Variants in MEMO1 observed in about 807,000 individuals in gnomAD.
MEMO1 encodes mediator of cell motility 1.
In MEMO1, 6 loss-of-function variants were observed where a neutral mutation model predicts 45.2. The ratio of observed to expected loss-of-function variants is 0.13; its 90% confidence interval spans 0.07 to 0.26. The LOEUF is 0.26. Among genes scored for constraint, MEMO1 ranks in the 10% least tolerant of loss-of-function variants. MEMO1 has a pLI of 1.00. For synonymous variants in MEMO1, 78 were observed against 124.3 expected (o/e 0.63, Z 2.48); for missense variants, 184 against 370.5 (o/e 0.50, Z 4.13).
intron 4 of MEMO1, chr2:31,923,539 C>A (rs1682644577): frequency 7.9e-7 from 1 of 1,269,630 alleles, no homozygotes; most frequent in Non-Finnish European, 1.0e-6. Flanking sequence ...ACATAAATAA[C>A]ATGACACTTT....
chr2:32,000,566 A>T (rs997266582), intron 2 of MEMO1, among the ~76,000 whole-genome samples: 2 of 141,766 alleles, frequency 1.4e-5, no homozygotes, highest in Admixed American at 7.0e-5. Flanking sequence ...GGGTTTCATC[A>T]TGTTGGCCAG....
At chr2:31,887,078 A>G (rs1391961966) in intron 7 of MEMO1, among the ~76,000 whole-genome samples, 1 of 152,216 alleles carries the variant, frequency 6.6e-6, no homozygotes, top group African/African-American at 2.4e-5. Context: ...TCCATTCCAG[A>G]GCACGCTTTC....
At chr2:31,967,376 A>G (rs1227842601) in intron 2 of MEMO1, among the ~76,000 whole-genome samples, 2 of 152,126 alleles carry the variant, frequency 1.3e-5, no homozygotes, top group Non-Finnish European at 2.9e-5. Context: ...CGCCTGCCTC[A>G]GCCTCCCAAA....
chr2:31,963,117 C>T, intron 2 of MEMO1: 1 of 1,476,344 alleles, frequency 6.8e-7, no homozygotes, highest in South Asian at 1.4e-5. Flanking sequence ...CAGTCTCTAA[C>T]TACACCATTA....
intron 8 of MEMO1, among the ~76,000 whole-genome samples, chr2:31,879,787 T>G (rs1675082735): frequency 6.6e-6 from 1 of 152,206 alleles, no homozygotes; most frequent in Non-Finnish European, 1.5e-5. Context: ...CTTCAAATAC[T>G]CAATAAATAC....
rs1402900099 is a variant in MEMO1 at position 31,879,332 on chromosome 2, CTGGCTCTGCT to C, written c.657+4044_657+4053del. ...TCAGTTCTCTCTAAGCAGAACTCTA[CTGGCTCTGCT>C]TTATCTCCTCTTCCACTTAATGCTG... On this transcript the variant is annotated intron_variant, in intron 8 of 9. Transcript: ENST00000404530. Among the ~76,000 whole-genome samples the C allele has an allele frequency of 7.2e-5, 11 of 152,286 alleles. No homozygotes were observed. The South Asian group carries it at 1.4e-3, about 20-fold the overall frequency.
intron 2 of MEMO1, among the ~76,000 whole-genome samples, chr2:31,969,851 C>G (rs968406001): frequency 6.6e-6 from 1 of 151,920 alleles, no homozygotes; most frequent in African/African-American, 2.4e-5. Context: ...CCACCTTGGC[C>G]CCCCAAAATG....
intron 6 of MEMO1, among the ~76,000 whole-genome samples, chr2:31,892,626 A>C (rs1677143484): frequency 6.6e-6 from 1 of 152,192 alleles, no homozygotes; most frequent in Non-Finnish European, 1.5e-5. Context: ...CTAAAAACTT[A>C]ATCTTGGCTC....
At chr2:31,901,985 A>G (rs954229451) in intron 6 of MEMO1, among the ~76,000 whole-genome samples, 11 of 151,872 alleles carry the variant, frequency 7.2e-5, no homozygotes, top group Non-Finnish European at 1.5e-4. Flanking sequence ...AAAAACATTG[A>G]GTTGAGACCT....
intron 4 of MEMO1, among the ~76,000 whole-genome samples, chr2:31,928,558 A>G (rs1004230239): frequency 1.3e-4 from 20 of 151,768 alleles, no homozygotes; most frequent in Admixed American, 1.2e-3. Context: ...AAAAAAAAAA[A>G]AAAAAGAAGA....
intron 2 of MEMO1, among the ~76,000 whole-genome samples, chr2:32,002,186 T>TATATATAC (rs753352927): frequency 2.3e-4 from 27 of 116,056 alleles, no homozygotes; most frequent in African/African-American, 8.8e-4. Context: ...TATATATATA[T>TATATATAC]ACACACACAC....
At chr2:31,966,375 G>C (rs572415128) in intron 2 of MEMO1, among the ~76,000 whole-genome samples, 3 of 152,180 alleles carry the variant, frequency 2.0e-5, no homozygotes, top group African/African-American at 7.2e-5. Context: ...GTTTGAAGCA[G>C]ACACCTTTCT....
intron 2 of MEMO1, among the ~76,000 whole-genome samples, chr2:31,977,068 T>C (rs1171012009): frequency 6.6e-6 from 1 of 151,622 alleles, no homozygotes; most frequent in Admixed American, 6.6e-5. Context: ...AGAAGGAAAA[T>C]GTTGGGAAGA....
chr2:31,910,105 G>C (rs1680329678), intron 6 of MEMO1, among the ~76,000 whole-genome samples: 1 of 151,952 alleles, frequency 6.6e-6, no homozygotes, highest in Admixed American at 6.6e-5. Flanking sequence ...ATAAAATAAA[G>C]TGCTGATAGC....
chr2:31,988,266 G>A (rs997746685), intron 2 of MEMO1, among the ~76,000 whole-genome samples: 1 of 152,138 alleles, frequency 6.6e-6, no homozygotes, highest in Non-Finnish European at 1.5e-5. Context: ...GTAACATTGG[G>A]CCAGGCATGG....
Position 31,911,861 on chromosome 2 carries a change from G to A in MEMO1, c.437+6065C>T, listed in dbSNP as rs561628457. On this transcript the variant is annotated intron_variant, in intron 6 of 9. Coordinates refer to ENST00000404530, the MANE Select transcript of MEMO1 (RefSeq NM_001301833.4). ...TCACTTTGTTGCCCAGGCTGGTCTC[G>A]AACTCCTGGGTTCAAGAAATCCTCC... is the stretch of plus-strand genomic sequence containing the variant. Among the ~76,000 whole-genome samples the A allele has an allele frequency of 8.6e-5, 13 of 151,980 alleles. 1 individual carries two copies. The highest frequency in any genetic ancestry group is 8.3e-4 in the South Asian group (4 of 4,808).
chr2:31,972,845 G>C (rs1283735447), intron 2 of MEMO1, among the ~76,000 whole-genome samples: 1 of 152,144 alleles, frequency 6.6e-6, no homozygotes, highest in African/African-American at 2.4e-5. Flanking sequence ...AATGGGCATA[G>C]GACTTAAATA....
chr2:31,927,192 C>T (rs368005315), intron 4 of MEMO1, among the ~76,000 whole-genome samples: 4 of 151,324 alleles, frequency 2.6e-5, no homozygotes, highest in African/African-American at 9.7e-5. Flanking sequence ...TGGTGGCGTT[C>T]GCCTGTAGTC....
chr2:31,975,742 C>T (rs189872072), intron 2 of MEMO1, among the ~76,000 whole-genome samples: 1 of 152,248 alleles, frequency 6.6e-6, no homozygotes, highest in African/African-American at 2.4e-5. Context: ...AAAAAATACA[C>T]TCATATATTA....
Sources: allele counts gnomAD v4.1 joint callset (sites outside exome capture counted in the v4.1 genomes callset), GRCh38; gene constraint gnomAD v4.1.1; transcripts MANE v1.5; gene names NCBI Gene and HGNC (gene_info 2026-07-23, HGNC 2026-07-21).